Variants in ZNF804A observed in about 807,000 individuals in gnomAD.
ZNF804A encodes the protein zinc finger protein 804A.
ZNF804A carries 2 observed loss-of-function variants against 16.5 expected under a neutral mutation model. That is an observed-to-expected ratio of 0.12 (90% CI 0.05 to 0.38). The LOEUF is 0.38. ZNF804A is among the 10% of genes least tolerant of loss of function. The pLI is 0.99. For synonymous variants in ZNF804A, 534 were observed against 489.6 expected (o/e 1.09, Z -1.20); for missense variants, 1,473 against 1,390.7 (o/e 1.06, Z -0.94).
intron 2 of ZNF804A, among the ~76,000 whole-genome samples, chr2:184,903,827 C>T (rs928981631): frequency 6.6e-6 from 1 of 152,030 alleles, no homozygotes; most frequent in Non-Finnish European, 1.5e-5. Context: ...TAAACATATC[C>T]ATCACTGCCA....
At position 184,672,643 on chromosome 2, in the gene ZNF804A, A is replaced by G. The variant is rs114573326; in HGVS notation, c.111+73573A>G. On this transcript the variant is annotated intron_variant, in intron 1 of 3. Transcript: ENST00000302277. ...CATTTACTTTTTGAATTTCAGTTGC[A>G]TAGTAGTTTTGTGAGAACAAGAATG... is the stretch of plus-strand genomic sequence containing the variant. 4.4e-3 allele frequency among the ~76,000 whole-genome samples: 665 copies of G among 152,166 alleles called. 11 individuals are homozygous for G. Among genetic ancestry groups the G allele is most frequent in the African/African-American group, 0.015 (609 of 41,512 alleles).
intron 1 of ZNF804A, among the ~76,000 whole-genome samples, chr2:184,758,395 G>T (rs16826189): frequency 6.6e-6 from 1 of 151,740 alleles, no homozygotes; most frequent in African/African-American, 2.4e-5. Flanking sequence ...TACTTTAGGT[G>T]TTTTACATGA....
At chr2:184,856,640 C>T (rs752793428) in intron 1 of ZNF804A, among the ~76,000 whole-genome samples, 11 of 152,018 alleles carry the variant, frequency 7.2e-5, no homozygotes, top group East Asian at 1.9e-4. Flanking sequence ...AACCACAGAT[C>T]GTACAGAAGT....
At chr2:184,673,077 G>A (rs1472326734) in intron 1 of ZNF804A, among the ~76,000 whole-genome samples, 1 of 150,636 alleles carries the variant, frequency 6.6e-6, no homozygotes, top group African/African-American at 2.4e-5. Flanking sequence ...AAAAGATGAA[G>A]GAAAGAAAGG....
chr2:184,683,722 T>C (rs964067523), intron 1 of ZNF804A, among the ~76,000 whole-genome samples: 1 of 151,998 alleles, frequency 6.6e-6, no homozygotes, highest in Non-Finnish European at 1.5e-5. Context: ...CATAAGGAGG[T>C]CTATCCAAGA....
chr2:184,688,241 C>T (rs547106420), intron 1 of ZNF804A, among the ~76,000 whole-genome samples: 32 of 152,170 alleles, frequency 2.1e-4, no homozygotes, highest in Middle Eastern at 3.4e-3. Flanking sequence ...ACCCGCCACA[C>T]ACTCCCCAGT....
chr2:184,923,853 G>A (rs1488237145), intron 2 of ZNF804A, among the ~76,000 whole-genome samples: 2 of 151,908 alleles, frequency 1.3e-5, no homozygotes, highest in Non-Finnish European at 2.9e-5. Flanking sequence ...GTATCACACT[G>A]ATTGACTTGC....
At chr2:184,751,799 C>T (rs1693881592) in intron 1 of ZNF804A, among the ~76,000 whole-genome samples, 1 of 151,612 alleles carries the variant, frequency 6.6e-6, no homozygotes, top group Non-Finnish European at 1.5e-5. Context: ...CAAACAACCA[C>T]ATTAAAAACT....
chr2:184,848,831 A>T (rs1180210399), intron 1 of ZNF804A, among the ~76,000 whole-genome samples: 2 of 152,096 alleles, frequency 1.3e-5, no homozygotes, highest in East Asian at 3.9e-4. Context: ...GAATGATAAC[A>T]TCTTAAATTC....
At chr2:184,692,392 C>T (rs963619074) in intron 1 of ZNF804A, among the ~76,000 whole-genome samples, 1 of 152,140 alleles carries the variant, frequency 6.6e-6, no homozygotes, top group African/African-American at 2.4e-5. Flanking sequence ...AGGTTTCCTG[C>T]CAACCACCCA....
At chr2:184,806,284 T>C (rs1694800544) in intron 1 of ZNF804A, among the ~76,000 whole-genome samples, 1 of 151,926 alleles carries the variant, frequency 6.6e-6, no homozygotes, top group Non-Finnish European at 1.5e-5. Flanking sequence ...CGTAGTCTTT[T>C]TCCCTCGTGT....
At position 184,937,814 on chromosome 2, in the gene ZNF804A, C is replaced by A; in HGVS notation, c.2418C>A (p.Cys806Ter). 6.2e-7 allele frequency: 1 copy of A among 1,614,058 alleles called. No individual in the cohort carries two copies. Among genetic ancestry groups the A allele is most frequent in the South Asian group, 1.1e-5 (1 of 91,082 alleles). The change falls in exon 4 of 4, where the codon TGC (cysteine) becomes TGA (stop). Residue 806 changes from cysteine (C) to a stop codon, truncating the protein, a stop_gained. Coordinates refer to ENST00000302277, the MANE Select transcript of ZNF804A (RefSeq NM_194250.2). LOFTEE classifies it low-confidence loss of function (END_TRUNC). The part of the protein sequence containing the change: ...LRPPSTSVAP[C>*]KPKKKRRRKR... ...CACCAAGTACTTCAGTTGCTCCCTG[C>A]AAGCCTAAAAAGAAACGGAGGCGAA...
At position 184,815,009 on chromosome 2, in the gene ZNF804A, C is replaced by A. The variant is rs11691928; in HGVS notation, c.112-51360C>A. Among the ~76,000 whole-genome samples the A allele has an allele frequency of 1.8e-3, 274 of 152,068 alleles. 1 individual carries two copies. The highest frequency in any genetic ancestry group is 3.0e-3 in the Non-Finnish European group (202 of 67,922). On this transcript the variant is annotated intron_variant, in intron 1 of 3. Transcript: ENST00000302277. ...TTTGCTTTGGAATTTACAAGAATAT[C>A]TTCTTTATAGAAAATTAAAGTTATT...
At chr2:184,706,477 G>T (rs1693032952) in intron 1 of ZNF804A, among the ~76,000 whole-genome samples, 1 of 152,132 alleles carries the variant, frequency 6.6e-6, no homozygotes, top group African/African-American at 2.4e-5. Context: ...TTAGTTCAGG[G>T]TGTGATCATG....
chr2:184,771,482 C>T (rs138019895), intron 1 of ZNF804A, among the ~76,000 whole-genome samples: 13 of 151,958 alleles, frequency 8.6e-5, no homozygotes, highest in East Asian at 5.8e-4. Context: ...TGGGGTGGCT[C>T]ATGCCTGTAA....
chr2:184,933,545 C>A, intron 2 of ZNF804A, 58 bp from the exon 3 acceptor site: 1 of 1,498,532 alleles, frequency 6.7e-7, no homozygotes, highest in Non-Finnish European at 8.9e-7. Flanking sequence ...AACAATGAAA[C>A]TTTAAAACTA....
intron 1 of ZNF804A, among the ~76,000 whole-genome samples, chr2:184,651,150 A>C (rs1034642883): frequency 3.7e-4 from 56 of 152,032 alleles, no homozygotes; most frequent in Admixed American, 3.7e-3. Context: ...TACACCTACA[A>C]CCATGTGATC....
intron 1 of ZNF804A, among the ~76,000 whole-genome samples, chr2:184,753,887 G>T (rs1693914558): frequency 6.6e-6 from 1 of 151,764 alleles, no homozygotes; most frequent in African/African-American, 2.4e-5. Context: ...AGATTACAAA[G>T]TTAAAACAAA....
intron 1 of ZNF804A, among the ~76,000 whole-genome samples, chr2:184,829,929 CAAAAAAAAAAAA>C (rs1225922566): frequency 1.4e-5 from 1 of 72,616 alleles, no homozygotes; most frequent in African/African-American, 8.7e-5. Context: ...AAAACAAAAA[CAAAAAAAAAAAA>C]ACCACACACA....
Sources: allele counts gnomAD v4.1 joint callset (sites outside exome capture counted in the v4.1 genomes callset), GRCh38; gene constraint gnomAD v4.1.1; transcripts MANE v1.5; gene names NCBI Gene and HGNC (gene_info 2026-07-23, HGNC 2026-07-21).